The following RAI14 variants were observed in gnomAD, a reference collection of about 807,000 sequenced individuals.
The protein encoded by RAI14 is retinoic acid induced 14, also known as ankycorbin.
A neutral mutation model predicts 115.4 loss-of-function variants in RAI14; 45 were observed. That is an observed-to-expected ratio of 0.39 (90% CI 0.31 to 0.50). RAI14 has a LOEUF of 0.50. Among genes scored for constraint, RAI14 ranks in the 20% least tolerant of loss-of-function variants. The pLI, the probability that RAI14 is intolerant of heterozygous loss-of-function variation, is 0.85. For synonymous variants in RAI14, 371 were observed against 415.4 expected (o/e 0.89, Z 1.30); for missense variants, 939 against 1,131.2 (o/e 0.83, Z 2.44).
chr5:34,724,085 C>T (rs923741262), intron 2 of RAI14, among the ~76,000 whole-genome samples: 56 of 152,288 alleles, frequency 3.7e-4, no homozygotes, highest in African/African-American at 1.3e-3. Flanking sequence ...GGCGCAATCT[C>T]GGCTCACTGC....
At chr5:34,806,184 C>G (rs1162435664) in intron 5 of RAI14, among the ~76,000 whole-genome samples, 1 of 152,106 alleles carries the variant, frequency 6.6e-6, no homozygotes, top group Non-Finnish European at 1.5e-5. Context: ...GCAAATGGTA[C>G]AATGTGTGCA....
At chr5:34,752,175 A>G (rs1747114639) in intron 2 of RAI14, among the ~76,000 whole-genome samples, 1 of 151,830 alleles carries the variant, frequency 6.6e-6, no homozygotes. Context: ...AAATCTTGGA[A>G]AATTGGCCTT....
At chr5:34,665,950 A>G (rs986816561) in intron 1 of RAI14, among the ~76,000 whole-genome samples, 1 of 152,186 alleles carries the variant, frequency 6.6e-6, no homozygotes, top group Non-Finnish European at 1.5e-5. Context: ...CATACTATTG[A>G]CCATTTTTAG....
intron 3 of RAI14, among the ~76,000 whole-genome samples, chr5:34,786,222 G>C (rs986105770): frequency 1.3e-5 from 2 of 152,170 alleles, no homozygotes; most frequent in East Asian, 1.9e-4. Context: ...TGTTGATCTG[G>C]GGGGGTGTAT....
chr5:34,666,321 A>G (rs1236131723), intron 1 of RAI14, among the ~76,000 whole-genome samples: 2 of 151,934 alleles, frequency 1.3e-5, no homozygotes, highest in East Asian at 3.9e-4. Context: ...CTAGTCTCAC[A>G]GTAGGTGTCC....
chr5:34,736,721 A>C (rs1054338054), intron 2 of RAI14, among the ~76,000 whole-genome samples: 3 of 152,190 alleles, frequency 2.0e-5, no homozygotes, highest in Admixed American at 6.5e-5. Flanking sequence ...GGTTTGAACA[A>C]ATTGAGATAA....
chr5:34,725,299 G>A (rs775461541), intron 2 of RAI14, among the ~76,000 whole-genome samples: 11 of 152,048 alleles, frequency 7.2e-5, no homozygotes, highest in Admixed American at 2.0e-4. Context: ...TTTAGGGGTC[G>A]TAGAAGACCT....
intron 2 of RAI14, among the ~76,000 whole-genome samples, chr5:34,723,548 A>G (rs2150002294): frequency 6.6e-6 from 1 of 152,318 alleles, no homozygotes; most frequent in East Asian, 1.9e-4. Flanking sequence ...CATTCACAGC[A>G]ATATCTAGAC....
chr5:34,745,185 T>A (rs1451514115), intron 2 of RAI14, among the ~76,000 whole-genome samples: 8 of 152,196 alleles, frequency 5.3e-5, no homozygotes, highest in African/African-American at 1.9e-4. Context: ...TAAAGGTGGT[T>A]ATGGTGATTT....
At chr5:34,678,571 G>A (rs908378078) in intron 1 of RAI14, among the ~76,000 whole-genome samples, 1 of 152,192 alleles carries the variant, frequency 6.6e-6, no homozygotes, top group African/African-American at 2.4e-5. Context: ...TGAAAACACA[G>A]GGCGAAGGCG....
intron 3 of RAI14, among the ~76,000 whole-genome samples, chr5:34,760,797 A>G (rs1466212070): frequency 6.6e-6 from 1 of 152,192 alleles, no homozygotes; most frequent in African/African-American, 2.4e-5. Flanking sequence ...AGAGGCATTA[A>G]GTATATTCAC....
chr5:34,770,874 A>G (rs975209272), intron 3 of RAI14, among the ~76,000 whole-genome samples: 1 of 152,224 alleles, frequency 6.6e-6, no homozygotes, highest in African/African-American at 2.4e-5. Flanking sequence ...TAATATCATT[A>G]GTTTTTTTCT....
chr5:34,718,619 C>T (rs998958210), intron 2 of RAI14, among the ~76,000 whole-genome samples: 2 of 152,224 alleles, frequency 1.3e-5, no homozygotes, highest in Non-Finnish European at 2.9e-5. Context: ...AGGGCCAAAG[C>T]CCCCAGGTTG....
chr5:34,695,269 G>A (rs77175384), intron 2 of RAI14, among the ~76,000 whole-genome samples: 4,936 of 152,256 alleles, frequency 0.032, 253 homozygotes, highest in African/African-American at 0.1. Context: ...CCCAATGGGT[G>A]TACTAATTAG....
chr5:34,806,997 G>A lies in RAI14; in HGVS notation c.322-803G>A, dbSNP rs542063616. ...TGGAAGTAATGATAGTATCCACCTC[G>A]TGTTGTTAGGGGACATAAAGCAGTT... is the stretch of plus-strand genomic sequence containing the variant. On this transcript the variant is annotated intron_variant, in intron 5 of 17. Transcript: ENST00000265109. Among the ~76,000 whole-genome samples the A allele has an allele frequency of 7.2e-5, 11 of 152,306 alleles. No individual in the cohort carries two copies. The South Asian group carries it at 1.7e-3, about 23-fold the overall frequency.
chr5:34,826,595 G>A, intron 16 of RAI14, 116 bp downstream of exon 16: 1 of 1,311,620 alleles, frequency 7.6e-7, no homozygotes, highest in Admixed American at 2.7e-5. Context: ...CCAAAGGAAT[G>A]TACTTCAATG....
chr5:34,742,767 G>T, intron 2 of RAI14, among the ~76,000 whole-genome samples: 1 of 152,120 alleles, frequency 6.6e-6, no homozygotes, highest in Non-Finnish European at 1.5e-5. Context: ...CAGTTCAAGT[G>T]ATTCTCTTGC....
chr5:34,815,904 T>C (rs1479632516), intron 12 of RAI14, among the ~76,000 whole-genome samples: 1 of 152,206 alleles, frequency 6.6e-6, no homozygotes, highest in Non-Finnish European at 1.5e-5. Flanking sequence ...GGTAAATACA[T>C]ACAACTTTTA....
At chr5:34,807,718 A>G in intron 5 of RAI14, 82 bp from the exon 6 acceptor site, 2 of 1,088,982 alleles carry the variant, frequency 1.8e-6, no homozygotes, top group Non-Finnish European at 2.8e-6. Flanking sequence ...AAGTCACATC[A>G]TACCTTGCAG....
Sources: allele counts gnomAD v4.1 joint callset (sites outside exome capture counted in the v4.1 genomes callset), GRCh38; gene constraint gnomAD v4.1.1; transcripts MANE v1.5; gene names NCBI Gene and HGNC (gene_info 2026-07-23, HGNC 2026-07-21).